CDH13: variants seen among roughly 807,000 people sequenced by gnomAD.
CDH13 encodes the protein cadherin 13.
CDH13 carries 24 observed loss-of-function variants against 63.8 expected under a neutral mutation model. The ratio of observed to expected loss-of-function variants is 0.38; its 90% CI spans 0.27 to 0.53. The LOEUF (loss-of-function observed/expected upper bound fraction) is 0.53. Among genes scored for constraint, CDH13 ranks in the 20% least tolerant of loss-of-function variants. The pLI is 0.85. For missense variants in CDH13, 1,049 were observed against 903.1 expected, an observed-to-expected ratio of 1.16 and a Z score of -2.07; for synonymous variants, 503 against 355.3, an observed-to-expected ratio of 1.42 and a Z score of -4.67.
chr16:82,780,409 G>T (rs538352435), intron 1 of CDH13, among the ~76,000 whole-genome samples: 3 of 152,306 alleles, frequency 2.0e-5, no homozygotes, highest in African/African-American at 7.2e-5. Context: ...TAAATATTCA[G>T]TCATGACAGT....
intron 12 of CDH13, among the ~76,000 whole-genome samples, chr16:83,782,409 A>T (rs1938740605): frequency 6.6e-6 from 1 of 151,846 alleles, no homozygotes; most frequent in African/African-American, 2.4e-5. Context: ...TCCCACCCAA[A>T]TGTAGAGCTG....
At chr16:83,140,455 C>A (rs965674296) in intron 4 of CDH13, among the ~76,000 whole-genome samples, 3 of 152,058 alleles carry the variant, frequency 2.0e-5, no homozygotes, top group African/African-American at 7.2e-5. Flanking sequence ...TCTGATGTAT[C>A]TTTTTTCTTT....
chr16:83,560,909 C>G (rs905495166), intron 7 of CDH13, among the ~76,000 whole-genome samples: 2 of 151,942 alleles, frequency 1.3e-5, no homozygotes, highest in East Asian at 1.9e-4. Flanking sequence ...GCCCCCCCCC[C>G]GCCCCAGGGG....
intron 7 of CDH13, among the ~76,000 whole-genome samples, chr16:83,557,699 G>A (rs781144199): frequency 2.6e-5 from 4 of 152,016 alleles, no homozygotes; most frequent in East Asian, 1.9e-4. Flanking sequence ...GATAAGCAGC[G>A]GGGACTTGCC....
At chr16:83,582,083 C>G (rs77677957) in intron 7 of CDH13, among the ~76,000 whole-genome samples, 3,569 of 152,196 alleles carry the variant, frequency 0.023, 139 homozygotes, top group African/African-American at 0.082. Flanking sequence ...TTGAGTTTCT[C>G]TCCTGAACAC....
chr16:82,964,877 C>G (rs888840526), intron 2 of CDH13, among the ~76,000 whole-genome samples: 2 of 152,162 alleles, frequency 1.3e-5, no homozygotes, highest in African/African-American at 4.8e-5. Context: ...CATGGTGGCA[C>G]TAACTTTTAG....
intron 10 of CDH13, among the ~76,000 whole-genome samples, chr16:83,707,837 A>AAAAAAAAAAAAAAAAAAAAAAAAAAAT (rs1907352521): frequency 2.5e-5 from 1 of 39,238 alleles, no homozygotes; most frequent in Non-Finnish European, 6.2e-5. Flanking sequence ...CCCTAAAGGC[A>AAAAAAAAAAAAAAAAAAAAAAAAAAAT]AAAAAAAAAA....
At chr16:82,974,903 G>T (rs1909278503) in intron 2 of CDH13, among the ~76,000 whole-genome samples, 1 of 152,196 alleles carries the variant, frequency 6.6e-6, no homozygotes, top group South Asian at 2.1e-4. Context: ...AGTTCCTGGG[G>T]ATTTGTTACA....
At position 83,528,272 on chromosome 16, in the gene CDH13, A is replaced by T. The variant is rs1046635552; in HGVS notation, c.960+41617A>T. ...TAACTGGCTATTTGCCATAATAAGG[A>T]TGAGGAAATTTTGGTTGATCACATT... On this transcript the variant is annotated intron_variant, in intron 7 of 13. Coordinates refer to ENST00000567109, the MANE Select transcript of CDH13 (RefSeq NM_001257.5). Among the ~76,000 whole-genome samples, 4 of 152,354 alleles carry T rather than the reference A, an allele frequency of 2.6e-5. No individual in the cohort carries two copies. In the Middle Eastern group the frequency reaches 0.01, roughly 389 times the overall value.
intron 10 of CDH13, among the ~76,000 whole-genome samples, chr16:83,713,581 A>C (rs1160744071): frequency 6.6e-6 from 1 of 152,136 alleles, no homozygotes; most frequent in East Asian, 1.9e-4. Flanking sequence ...CCTCTCACAA[A>C]TGGTATGTTC....
chr16:82,880,260 T>G (rs1328551341), intron 2 of CDH13, among the ~76,000 whole-genome samples: 2 of 152,110 alleles, frequency 1.3e-5, no homozygotes, highest in Non-Finnish European at 2.9e-5. Context: ...GAACAAATTA[T>G]TAACCCTGTA....
intron 3 of CDH13, among the ~76,000 whole-genome samples, chr16:83,101,743 G>T (rs574634024): frequency 8.1e-4 from 123 of 152,286 alleles, no homozygotes; most frequent in African/African-American, 2.9e-3. Context: ...GCAGTAAGCC[G>T]AGATCGTGCC....
intron 1 of CDH13, among the ~76,000 whole-genome samples, chr16:82,709,925 T>C (rs1364467464): frequency 2.6e-5 from 4 of 151,918 alleles, no homozygotes; most frequent in Non-Finnish European, 4.4e-5. Flanking sequence ...CCAGAAGGGC[T>C]CTAGATGAGG....
At chr16:82,850,130 A>T (rs1444631619) in intron 1 of CDH13, among the ~76,000 whole-genome samples, 7 of 152,248 alleles carry the variant, frequency 4.6e-5, no homozygotes, top group Non-Finnish European at 7.3e-5. Flanking sequence ...GCTTCTAAAG[A>T]TTGTGATTCC....
chr16:83,192,122 A>G (rs904221097), intron 4 of CDH13, among the ~76,000 whole-genome samples: 3 of 152,160 alleles, frequency 2.0e-5, no homozygotes, highest in Non-Finnish European at 4.4e-5. Context: ...CTGCCTTCTA[A>G]TTCACACTCA....
intron 4 of CDH13, chr16:83,180,785 C>A: frequency 2.2e-6 from 2 of 914,068 alleles, no homozygotes; most frequent in Non-Finnish European, 3.4e-6. Context: ...ACAAAGGCTG[C>A]TTAATCCATG....
At chr16:82,634,797 G>T (rs1179404028) in intron 1 of CDH13, among the ~76,000 whole-genome samples, 1 of 152,160 alleles carries the variant, frequency 6.6e-6, no homozygotes, top group African/African-American at 2.4e-5. Flanking sequence ...CAGCCGTTGG[G>T]GACTTTTCCT....
intron 5 of CDH13, among the ~76,000 whole-genome samples, chr16:83,285,397 G>A (rs2089283691): frequency 6.6e-6 from 1 of 152,022 alleles, no homozygotes; most frequent in South Asian, 2.1e-4. Flanking sequence ...TCATGGATTG[G>A]CTGAGCTGAC....
At chr16:83,316,914 G>A (rs913352911) in intron 5 of CDH13, among the ~76,000 whole-genome samples, 1 of 152,206 alleles carries the variant, frequency 6.6e-6, no homozygotes, top group African/African-American at 2.4e-5. Context: ...GCTGATCTGG[G>A]TTCTGGTGGA....
Sources: gnomAD v4.1 joint callset for allele counts (sites outside exome capture counted in the v4.1 genomes callset) on GRCh38, gnomAD v4.1.1 for gene constraint, MANE v1.5 for transcripts, NCBI Gene and HGNC (gene_info 2026-07-23, HGNC 2026-07-21) for gene names.